Variants in LOXHD1 observed in about 807,000 individuals in gnomAD.
The protein encoded by LOXHD1 is lipoxygenase homology domain-containing protein 1.
A neutral mutation model predicts 248.2 loss-of-function variants in LOXHD1; 205 were observed. The observed-to-expected ratio is 0.83, with a 90% confidence interval of 0.74 to 0.93. The LOEUF is 0.93. LOXHD1 is among the 40% of genes least tolerant of loss of function. The pLI is 0.00. For synonymous variants in LOXHD1, 1,113 were observed against 1,162.8 expected, an observed-to-expected ratio of 0.96 and a Z score of 0.87; for missense variants, 2,930 against 2,971.6, an observed-to-expected ratio of 0.99 and a Z score of 0.33.
chr18:46,484,504 C>G (rs963032899), intron 39 of LOXHD1, among the ~76,000 whole-genome samples: 5 of 152,288 alleles, frequency 3.3e-5, no homozygotes, highest in South Asian at 2.1e-4. Flanking sequence ...TCACCAGACA[C>G]CAGATTTGCT....
intron 29 of LOXHD1, among the ~76,000 whole-genome samples, chr18:46,525,328 G>A (rs543668564): frequency 6.6e-6 from 1 of 152,200 alleles, no homozygotes; most frequent in Non-Finnish European, 1.5e-5. Context: ...GTGGCAACCG[G>A]AGGGCAAAAG....
chr18:46,649,813 G>A (rs1330357836), intron 1 of LOXHD1, among the ~76,000 whole-genome samples: 1 of 152,132 alleles, frequency 6.6e-6, no homozygotes, highest in East Asian at 1.9e-4. Flanking sequence ...AACCCTTGAA[G>A]CTTATTCTGT....
chr18:46,540,781 T>C (rs2036527975), intron 25 of LOXHD1, among the ~76,000 whole-genome samples: 1 of 148,978 alleles, frequency 6.7e-6, no homozygotes, highest in Middle Eastern at 3.3e-3. Flanking sequence ...CAGGCCAGAG[T>C]CTGTCCTCGC....
chr18:46,487,162 C>T (rs1286319232), intron 38 of LOXHD1, among the ~76,000 whole-genome samples: 1 of 152,122 alleles, frequency 6.6e-6, no homozygotes, highest in Admixed American at 6.5e-5. Flanking sequence ...GGAAGAAGCA[C>T]ATGGAAGTCA....
chr18:46,619,372 A>G (rs1010972594), intron 4 of LOXHD1, among the ~76,000 whole-genome samples: 1 of 152,088 alleles, frequency 6.6e-6, no homozygotes, highest in Non-Finnish European at 1.5e-5. Flanking sequence ...TCTCTTCTGT[A>G]TTCCTCAGCT....
chr18:46,601,922 C>T (rs565267337), intron 7 of LOXHD1, among the ~76,000 whole-genome samples: 1 of 152,288 alleles, frequency 6.6e-6, no homozygotes, highest in South Asian at 2.1e-4. Flanking sequence ...TGCTCTTTTG[C>T]TGATAACTTA....
chr18:46,514,849 C>T (rs1043575303), intron 34 of LOXHD1, among the ~76,000 whole-genome samples: 1 of 152,164 alleles, frequency 6.6e-6, no homozygotes, highest in Non-Finnish European at 1.5e-5. Context: ...ATTTACTTCC[C>T]GCTATAGAAA....
intron 12 of LOXHD1, among the ~76,000 whole-genome samples, chr18:46,589,870 T>C (rs1243361137): frequency 6.6e-6 from 1 of 152,084 alleles, no homozygotes; most frequent in Non-Finnish European, 1.5e-5. Context: ...ATAAGGTTCT[T>C]AGGGGAAAGT....
chr18:46,537,057 G>A (rs2036344298), intron 26 of LOXHD1, among the ~76,000 whole-genome samples: 1 of 152,174 alleles, frequency 6.6e-6, no homozygotes, highest in Non-Finnish European at 1.5e-5. Flanking sequence ...CCTCTGAGCT[G>A]TTGGCCATGC....
At chr18:46,620,491 T>C (rs988552342) in intron 4 of LOXHD1, among the ~76,000 whole-genome samples, 1 of 152,218 alleles carries the variant, frequency 6.6e-6, no homozygotes, top group African/African-American at 2.4e-5. Context: ...GTCGCCAATA[T>C]TCTGAATCAT....
chr18:46,497,291 T>C (rs1022159299), intron 37 of LOXHD1, among the ~76,000 whole-genome samples: 4 of 152,094 alleles, frequency 2.6e-5, no homozygotes, highest in Admixed American at 2.0e-4. Flanking sequence ...ACAACAATAG[T>C]AGCAACCAGT....
At position 46,521,225 on chromosome 18, in the gene LOXHD1, C is replaced by T; in HGVS notation, c.5143G>A (p.Ala1715Thr). ...TACTTGGTGCCCTGGGTGGGCACTG[C>T]CAAACACAACTCTTCCACCAGCCAG... ...SCWLVEELCL[A>T]VPTQGTKYML... The change falls in exon 33 of 41, where the codon GCA becomes ACA. Residue 1715 changes from alanine to threonine, a missense_variant. Ala to Thr is a moderately conservative substitution (Grantham distance 58, BLOSUM62 0). Coordinates refer to ENST00000642948, the MANE Select transcript of LOXHD1 (RefSeq NM_001384474.1). The T allele has an allele frequency of 6.4e-7, 1 of 1,551,740 alleles. No homozygotes were observed. The highest frequency in any genetic ancestry group is 8.7e-7 in the Non-Finnish European group (1 of 1,146,992).
intron 12 of LOXHD1, among the ~76,000 whole-genome samples, chr18:46,588,313 A>G (rs1160681539): frequency 6.6e-6 from 1 of 152,152 alleles, no homozygotes; most frequent in Non-Finnish European, 1.5e-5. Context: ...GAAGACATCA[A>G]ACTGCCTTAT....
intron 37 of LOXHD1, 59 bp from the exon 38 acceptor site, chr18:46,489,201 CT>C: frequency 6.6e-7 from 1 of 1,516,586 alleles, no homozygotes; most frequent in Non-Finnish European, 9.0e-7. Flanking sequence ...CCCTTTCAGA[CT>C]TCTACATCCC....
chr18:46,536,301 C>T (rs2036305500), intron 26 of LOXHD1, among the ~76,000 whole-genome samples: 1 of 152,106 alleles, frequency 6.6e-6, no homozygotes, highest in South Asian at 2.1e-4. Flanking sequence ...GAAGCGGCTT[C>T]CTCCTGAGAT....
At chr18:46,618,140 T>A in intron 5 of LOXHD1, 52 bp downstream of exon 5, 1 of 1,392,602 alleles carries the variant, frequency 7.2e-7, no homozygotes, top group Admixed American at 2.0e-5. Context: ...GAACCCCATC[T>A]ACAAAATAGT....
At chr18:46,488,777 T>C (rs1054274892) in intron 38 of LOXHD1, among the ~76,000 whole-genome samples, 195 bp downstream of exon 38, 9 of 152,194 alleles carry the variant, frequency 5.9e-5, no homozygotes, top group African/African-American at 2.2e-4. Flanking sequence ...GTCCCTGTGA[T>C]TCTGAGCCAT....
intron 21 of LOXHD1, among the ~76,000 whole-genome samples, chr18:46,551,111 T>C (rs138228450): frequency 6.7e-4 from 102 of 151,510 alleles, no homozygotes; most frequent in East Asian, 5.0e-3. Context: ...CTTTTCTTTT[T>C]TTTTTTTTTG....
At chr18:46,564,097 T>A (rs554747408) in intron 17 of LOXHD1, among the ~76,000 whole-genome samples, 7,985 of 144,400 alleles carry the variant, frequency 0.055, 246 homozygotes, top group African/African-American at 0.099. Context: ...AGAGAGAGTG[T>A]GTGTGTGTGT....
Sources: gnomAD v4.1 joint callset for allele counts (sites outside exome capture counted in the v4.1 genomes callset) on GRCh38, gnomAD v4.1.1 for gene constraint, MANE v1.5 for transcripts, NCBI Gene and HGNC (gene_info 2026-07-23, HGNC 2026-07-21) for gene names.